Variants in TMED10 observed in about 807,000 individuals in gnomAD.
TMED10 encodes the protein transmembrane p24 trafficking protein 10.
Under a neutral mutation model 23.1 loss-of-function variants are expected in TMED10, and 7 were observed. That is an observed-to-expected ratio of 0.30 (90% CI 0.17 to 0.57). TMED10 has a LOEUF of 0.57. Among genes scored for constraint, TMED10 ranks in the 20% least tolerant of loss-of-function variants. The pLI is 0.91. For missense variants in TMED10, 162 were observed against 274.8 expected (o/e 0.59, Z 2.90); for synonymous variants, 113 against 106.9 (o/e 1.06, Z -0.35).
In TMED10 at chr14:75,133,574, C is replaced by T. The variant is rs1895712876; in HGVS notation, c.*1311G>A. 1 of 152,662 alleles carries T rather than the reference C, an allele frequency of 6.6e-6. No individual in the cohort carries two copies. The highest frequency in any genetic ancestry group is 2.0e-4 in the South Asian group (1 of 4,948). 9.5% of individuals were successfully genotyped at this position (152,662 alleles called of 1,614,324 possible). A position where few individuals can be genotyped will look rare whatever the true frequency, so the allele number is the denominator to read the frequency against. The stretch of plus-strand genomic sequence containing the variant: ...GAGTGGCTGTATGTAAAAAGTAGAG[C>T]CACTCTGGAAAAAGAGTAGGGTAGT... On this transcript the variant is annotated 3_prime_UTR_variant, in exon 5 of 5. Transcript: ENST00000303575.
chr14:75,163,225 G>C (rs1237387833), intron 1 of TMED10, among the ~76,000 whole-genome samples: 3 of 152,076 alleles, frequency 2.0e-5, no homozygotes, highest in African/African-American at 7.2e-5. Flanking sequence ...CTGGGTGACA[G>C]AGCAAGACCC....
chr14:75,159,194 T>C (rs938433702), intron 1 of TMED10, among the ~76,000 whole-genome samples: 1 of 152,230 alleles, frequency 6.6e-6, no homozygotes, highest in Non-Finnish European at 1.5e-5. Flanking sequence ...CAAGCCAATC[T>C]AGAGACCCTA....
At chr14:75,136,570 G>C (rs766233259) in intron 3 of TMED10, among the ~76,000 whole-genome samples, 2 of 152,154 alleles carry the variant, frequency 1.3e-5, no homozygotes, top group Non-Finnish European at 2.9e-5. Context: ...CCTGGTTTTA[G>C]AAGAAAAACC....
intron 3 of TMED10, among the ~76,000 whole-genome samples, chr14:75,139,655 C>A (rs1895797653): frequency 6.9e-6 from 1 of 143,928 alleles, no homozygotes; most frequent in Non-Finnish European, 1.5e-5. Flanking sequence ...AAAAAAAAAT[C>A]TATTGAATCC....
At chr14:75,162,859 A>C (rs901274699) in intron 1 of TMED10, among the ~76,000 whole-genome samples, 3 of 152,116 alleles carry the variant, frequency 2.0e-5, no homozygotes, top group Non-Finnish European at 4.4e-5. Context: ...AAAACCCATA[A>C]CCTCACCTTA....
intron 1 of TMED10, among the ~76,000 whole-genome samples, chr14:75,174,198 T>C (rs1476967388): frequency 1.3e-5 from 2 of 152,194 alleles, no homozygotes; most frequent in African/African-American, 4.8e-5. Context: ...ACCCTGAGGA[T>C]ACTAACAGTC....
In TMED10 at chr14:75,134,994, G is replaced by A; in HGVS notation, c.551C>T (p.Thr184Ile). Residue 184 changes from threonine (T) to isoleucine (I), a missense_variant, in exon 5 of 5, where the codon ACT (threonine) becomes ATT (isoleucine). Physicochemically the swap from Thr to Ile is moderately conservative, Grantham distance 89. Coordinates refer to ENST00000303575, the MANE Select transcript of TMED10 (RefSeq NM_006827.6). ...AAAGATGCTGAAGTATAGGACCCGA[G>A]TGTTTGTTGACTCTAAAAAAAAACA... Reference protein sequence around the residue: ...EMRDTNESTNTRVLYFSIFSM... With the variant: ...EMRDTNESTNIRVLYFSIFSM... The A allele has an allele frequency of 1.2e-6, 2 of 1,613,894 alleles. No individual in the cohort carries two copies. Among genetic ancestry groups the A allele is most frequent in the Non-Finnish European group, 1.7e-6 (2 of 1,179,904 alleles).
rs1253241894 is a variant in TMED10, at chr14:75,134,694, AAAG to A, written c.*188_*190del. ...ACCAGTCAAAATCCTACCAAATTAA[AAAG>A]AAGTCCCTCATTGACTTGTTGGGTG... On this transcript the variant is annotated 3_prime_UTR_variant, in exon 5 of 5. Coordinates refer to ENST00000303575, the MANE Select transcript of TMED10 (RefSeq NM_006827.6). 1.6e-6 allele frequency: 1 copy of A among 636,974 alleles called. No individual in the cohort carries two copies. The highest frequency in any genetic ancestry group is 3.0e-5 in the East Asian group (1 of 33,492). The allele number at this position is 636,974 out of a possible 1,614,324, so 39.5% of individuals were successfully genotyped here.
At chr14:75,156,758 G>T (rs181774129) in intron 1 of TMED10, among the ~76,000 whole-genome samples, 1 of 151,846 alleles carries the variant, frequency 6.6e-6, no homozygotes, top group African/African-American at 2.4e-5. Flanking sequence ...ATCCTACCCC[G>T]TCTCTACTAA....
At chr14:75,158,488 C>T (rs958590812) in intron 1 of TMED10, among the ~76,000 whole-genome samples, 5 of 152,036 alleles carry the variant, frequency 3.3e-5, no homozygotes, top group Non-Finnish European at 7.4e-5. Flanking sequence ...CCACTACACC[C>T]GACTAATTGT....
intron 1 of TMED10, among the ~76,000 whole-genome samples, chr14:75,174,771 G>A (rs976183857): frequency 6.6e-6 from 1 of 151,980 alleles, no homozygotes; most frequent in East Asian, 1.9e-4. Context: ...GGCCAGGCGC[G>A]GTGGCTTACG....
chr14:75,135,569 G>T, intron 4 of TMED10, 191 bp downstream of exon 4: 1 of 671,002 alleles, frequency 1.5e-6, no homozygotes, highest in Non-Finnish European at 2.4e-6. Flanking sequence ...GCCTATCACA[G>T]TAGGAGTTTC....
intron 1 of TMED10, among the ~76,000 whole-genome samples, chr14:75,175,632 C>A (rs146121559): frequency 0.019 from 2,959 of 151,856 alleles, 88 homozygotes; most frequent in African/African-American, 0.068. Flanking sequence ...AGGAGACATA[C>A]CTAATGTAAA....
At chr14:75,163,245 A>G (rs998240387) in intron 1 of TMED10, among the ~76,000 whole-genome samples, 2 of 151,870 alleles carry the variant, frequency 1.3e-5, no homozygotes, top group African/African-American at 4.8e-5. Context: ...CTGTCTCAAA[A>G]CAAACACACA....
At chr14:75,161,647 A>G (rs1008297664) in intron 1 of TMED10, among the ~76,000 whole-genome samples, 2 of 152,112 alleles carry the variant, frequency 1.3e-5, no homozygotes, top group Non-Finnish European at 2.9e-5. Flanking sequence ...ACCCTCCCTA[A>G]CAATGAATGA....
rs536267883 is a variant in TMED10, at chr14:75,169,992, C to T, written c.225+6363G>A. On this transcript the variant is annotated intron_variant, in intron 1 of 4. Coordinates refer to ENST00000303575, the MANE Select transcript of TMED10 (RefSeq NM_006827.6). ...CCTGTAATCCCAGCACTTTGGGAGG[C>T]AGAGGCGGGCGGATCATGAGGTCAG... Among the ~76,000 whole-genome samples the T allele has an allele frequency of 2.6e-5, 4 of 152,138 alleles. No individual in the cohort carries two copies. The East Asian group carries it at 7.7e-4, about 29-fold the overall frequency.
Position 75,135,008 on chromosome 14 carries a change from T to C in TMED10, c.539-2A>G. ...ATAGGACCCGAGTGTTTGTTGACTC[T>C]AAAAAAAAACAAAAGCATTGTAAAC... On this transcript the variant is annotated splice_acceptor_variant, in intron 4 of 4. Coordinates refer to ENST00000303575, the MANE Select transcript of TMED10 (RefSeq NM_006827.6). LOFTEE classifies it high-confidence loss of function. 1 of 1,522,744 alleles carries C rather than the reference T, an allele frequency of 6.6e-7. No homozygotes were observed. The highest frequency in any genetic ancestry group is 9.0e-7 in the Non-Finnish European group (1 of 1,116,716). The allele number at this position is 1,522,744 out of a possible 1,614,324, so 94.3% of individuals were successfully genotyped here. A position where few individuals can be genotyped will look rare whatever the true frequency, so the allele number is the denominator to read the frequency against.
intron 3 of TMED10, among the ~76,000 whole-genome samples, chr14:75,139,653 AT>A (rs1458451764): frequency 3.6e-4 from 54 of 151,392 alleles, no homozygotes; most frequent in African/African-American, 1.3e-3. Context: ...AAAAAAAAAA[AT>A]CTATTGAATC....
chr14:75,156,278 T>C (rs901714511), intron 1 of TMED10, among the ~76,000 whole-genome samples: 2 of 152,094 alleles, frequency 1.3e-5, no homozygotes, highest in African/African-American at 4.8e-5. Flanking sequence ...TTAATTAAAA[T>C]AATTTTAAAT....
Sources: allele counts gnomAD v4.1 joint callset (sites outside exome capture counted in the v4.1 genomes callset), GRCh38; gene constraint gnomAD v4.1.1; transcripts MANE v1.5; gene names NCBI Gene and HGNC (gene_info 2026-07-23, HGNC 2026-07-21).